USP32: variants seen among roughly 807,000 people sequenced by gnomAD.
USP32 encodes ubiquitin carboxyl-terminal hydrolase 32.
A neutral mutation model predicts 204.8 loss-of-function variants in USP32; 59 were observed. The observed-to-expected ratio is 0.29, with a 90% confidence interval of 0.23 to 0.36. The LOEUF (loss-of-function observed/expected upper bound fraction) is 0.36. Ranked by LOEUF, USP32 falls within the 10% of genes least tolerant of loss-of-function variation. The probability of loss-of-function intolerance (pLI) is 1.00; values close to 1 mark genes in which losing one functional copy is unlikely to be tolerated. For missense variants in USP32, 1,160 were observed against 1,946.4 expected, an observed-to-expected ratio of 0.60 and a Z score of 7.60; for synonymous variants, 517 against 678.4, an observed-to-expected ratio of 0.76 and a Z score of 3.70.
Position 60,294,665 on chromosome 17 carries a change from G to A in USP32, c.411+18C>T. ...CTTTGTCAATGAAAAGGGATAAAATGTAAATCTTTAACTATACCTCTGAGA... is the reference window on the plus strand; with the variant it reads ...CTTTGTCAATGAAAAGGGATAAAATATAAATCTTTAACTATACCTCTGAGA... On this transcript the variant is annotated intron_variant, in intron 4 of 33. Coordinates refer to ENST00000300896, the MANE Select transcript of USP32 (RefSeq NM_032582.4). The A allele has an allele frequency of 6.6e-7, 1 of 1,516,780 alleles. No individual in the cohort carries two copies. The highest frequency in any genetic ancestry group is 9.1e-7 in the Non-Finnish European group (1 of 1,102,818). 94.0% of individuals were successfully genotyped at this position (1,516,780 alleles called of 1,614,324 possible).
chr17:60,215,470 A>G (rs2085077310), intron 16 of USP32, among the ~76,000 whole-genome samples: 1 of 152,118 alleles, frequency 6.6e-6, no homozygotes, highest in Admixed American at 6.5e-5. Context: ...CAGTGAAAAA[A>G]AAATTAGGAC....
intron 1 of USP32, among the ~76,000 whole-genome samples, chr17:60,409,429 GCT>G (rs1228002304): frequency 6.6e-6 from 1 of 152,174 alleles, no homozygotes; most frequent in Non-Finnish European, 1.5e-5. Flanking sequence ...CCCATTGATT[GCT>G]CAGTAACAAA....
In USP32 at chr17:60,288,590, C is replaced by A; in HGVS notation, c.504G>T (p.Val168=). 4 of 1,613,668 alleles carry A rather than the reference C, an allele frequency of 2.5e-6. No homozygotes were observed. The South Asian group carries it at 4.4e-5, about 18-fold the overall frequency. The change falls in exon 5 of 34, where the codon GTG becomes GTT. Residue 168 remains valine (V), a synonymous_variant. Coordinates refer to ENST00000300896, the MANE Select transcript of USP32 (RefSeq NM_032582.4). The stretch of plus-strand genomic sequence containing the variant: ...CACTATCATCAGTGAGGGTAACATA[C>A]ACACCTCCAGATAGAAGCCATCGAG... The part of the protein sequence containing the change: ...TFSRWLLSGG[V]YVTLTDDSDT...
At chr17:60,342,868 C>A (rs929261827) in intron 2 of USP32, among the ~76,000 whole-genome samples, 2 of 152,204 alleles carry the variant, frequency 1.3e-5, no homozygotes, top group African/African-American at 4.8e-5. Context: ...TCCCCTAACC[C>A]CTTGCGCTTC....
At chr17:60,294,330 G>A (rs969382288) in intron 4 of USP32, among the ~76,000 whole-genome samples, 1 of 151,806 alleles carries the variant, frequency 6.6e-6, no homozygotes, top group Non-Finnish European at 1.5e-5. Flanking sequence ...AATGATATCC[G>A]TGATGAAAAG....
At chr17:60,228,785 C>T (rs1002116084) in intron 12 of USP32, among the ~76,000 whole-genome samples, 2 of 151,566 alleles carry the variant, frequency 1.3e-5, no homozygotes, top group Middle Eastern at 3.4e-3. Context: ...GATCATGCCA[C>T]TGCACTCCAG....
intron 1 of USP32, among the ~76,000 whole-genome samples, chr17:60,376,788 C>A (rs1166423768): frequency 6.6e-6 from 1 of 152,020 alleles, no homozygotes; most frequent in East Asian, 1.9e-4. Flanking sequence ...TCCCAAAGTG[C>A]TGGGATTACA....
chr17:60,297,767 T>G (rs1200795340), intron 3 of USP32, among the ~76,000 whole-genome samples: 1 of 152,182 alleles, frequency 6.6e-6, no homozygotes, highest in East Asian at 1.9e-4. Context: ...TGAGCCACCG[T>G]GCCTGGCCAT....
At chr17:60,197,827 G>A (rs1398139687) in intron 27 of USP32, among the ~76,000 whole-genome samples, 1 of 152,160 alleles carries the variant, frequency 6.6e-6, no homozygotes, top group African/African-American at 2.4e-5. Context: ...AAAGAAAAAA[G>A]AATGACATGG....
chr17:60,184,352 C>T (rs2084193726), intron 30 of USP32, among the ~76,000 whole-genome samples: 1 of 151,448 alleles, frequency 6.6e-6, no homozygotes, highest in Non-Finnish European at 1.5e-5. Context: ...CCTCCCCACC[C>T]ACCTTGTCTC....
chr17:60,414,937 G>A (rs146379809), intron 1 of USP32, among the ~76,000 whole-genome samples: 5 of 151,226 alleles, frequency 3.3e-5, no homozygotes, highest in South Asian at 2.1e-4. Flanking sequence ...TGCAACCTAC[G>A]GTCTCCCGGG....
At chr17:60,193,242 C>A (rs1422110130) in intron 27 of USP32, among the ~76,000 whole-genome samples, 2 of 152,232 alleles carry the variant, frequency 1.3e-5, no homozygotes, top group East Asian at 3.8e-4. Context: ...AATTATCCTT[C>A]AGCCTTAATT....
intron 27 of USP32, among the ~76,000 whole-genome samples, chr17:60,196,777 A>T (rs183863776): frequency 8.1e-4 from 124 of 152,208 alleles, no homozygotes; most frequent in Non-Finnish European, 9.0e-4. Context: ...TTGAGCCGAG[A>T]TTGCACCACT....
At chr17:60,218,355 G>A (rs1171847575) in intron 16 of USP32, among the ~76,000 whole-genome samples, 1 of 152,058 alleles carries the variant, frequency 6.6e-6, no homozygotes, top group Non-Finnish European at 1.5e-5. Flanking sequence ...CTCCACTTCA[G>A]CCTGGGCGAC....
chr17:60,219,335 A>G (rs1567776910), intron 16 of USP32, among the ~76,000 whole-genome samples: 1 of 152,218 alleles, frequency 6.6e-6, no homozygotes, highest in African/African-American at 2.4e-5. Flanking sequence ...GCTTGTCTCA[A>G]AGAAATAAAG....
intron 27 of USP32, among the ~76,000 whole-genome samples, chr17:60,193,171 A>T (rs1342740741): frequency 6.6e-6 from 1 of 152,226 alleles, no homozygotes. Flanking sequence ...AGATGTCTCT[A>T]AGGGAGTCCA....
At chr17:60,329,390 C>T (rs538169260) in intron 2 of USP32, among the ~76,000 whole-genome samples, 1 of 151,138 alleles carries the variant, frequency 6.6e-6, no homozygotes, top group South Asian at 2.1e-4. Flanking sequence ...TAGGTATGAG[C>T]CCAGACCATA....
Position 60,296,779 on chromosome 17 carries a change from C to A in USP32, c.293-1978G>T, listed in dbSNP as rs954546979. On this transcript the variant is annotated intron_variant, in intron 3 of 33. Coordinates refer to ENST00000300896, the MANE Select transcript of USP32 (RefSeq NM_032582.4). ...AAGGACACCAAAATCTGCAGGTGCT[C>A]AAGCCTCATATAAAATGGCATGGTA... 2.6e-5 allele frequency among the ~76,000 whole-genome samples: 4 copies of A among 152,120 alleles called. 1 individual carries two copies. The East Asian group carries it at 7.7e-4, about 29-fold the overall frequency.
At chr17:60,229,411 C>G (rs976850098) in intron 12 of USP32, among the ~76,000 whole-genome samples, 2 of 152,120 alleles carry the variant, frequency 1.3e-5, no homozygotes, top group African/African-American at 4.8e-5. Flanking sequence ...TAACTATTGC[C>G]CTAGTGAGGA....
Sources: allele counts gnomAD v4.1 joint callset (sites outside exome capture counted in the v4.1 genomes callset), GRCh38; gene constraint gnomAD v4.1.1; transcripts MANE v1.5; gene names NCBI Gene and HGNC (gene_info 2026-07-23, HGNC 2026-07-21).